The following SPOCK3 variants were observed in gnomAD, a reference collection of about 807,000 sequenced individuals.
The protein encoded by SPOCK3 is SPARC (osteonectin), cwcv and kazal like domains proteoglycan 3.
A neutral mutation model predicts 56.6 loss-of-function variants in SPOCK3; 30 were observed. The observed-to-expected ratio is 0.53, with a 90% CI of 0.40 to 0.72. SPOCK3 has a LOEUF of 0.72. Among genes scored for constraint, SPOCK3 ranks in the 30% least tolerant of loss-of-function variants. SPOCK3 has a pLI of 0.00. For missense variants in SPOCK3, 527 were observed against 530.0 expected (o/e 0.99, Z 0.06); for synonymous variants, 196 against 183.3 (o/e 1.07, Z -0.56).
intron 9 of SPOCK3, among the ~76,000 whole-genome samples, chr4:166,738,644 A>G (rs1734498907): frequency 1.0e-5 from 1 of 100,286 alleles, no homozygotes; most frequent in Non-Finnish European, 1.8e-5. Context: ...AACAGTCCCC[A>G]GAGTGTGATG....
intron 5 of SPOCK3, among the ~76,000 whole-genome samples, chr4:166,897,954 C>T (rs1279451271): frequency 6.6e-6 from 1 of 151,970 alleles, no homozygotes; most frequent in Non-Finnish European, 1.5e-5. Flanking sequence ...TTTTGGGAAC[C>T]CAAGGCAGGA....
At position 167,191,174 on chromosome 4, in the gene SPOCK3, A is replaced by G. The variant is rs1385265023; in HGVS notation, c.189+42811T>C. Among the ~76,000 whole-genome samples, 2 of 145,820 alleles carry G rather than the reference A, an allele frequency of 1.4e-5. 1 individual carries two copies. Among genetic ancestry groups the G allele is most frequent in the East Asian group, 4.1e-4 (2 of 4,902 alleles). On this transcript the variant is annotated intron_variant, in intron 2 of 10. Coordinates refer to ENST00000357545, the MANE Select transcript of SPOCK3 (RefSeq NM_001040159.2). ...ATTTTCTATTTCTGTGAAAAATGTC[A>G]TTGGAAATTTTACAAGGATTGCATT...
At chr4:166,908,549 C>G (rs950524281) in intron 5 of SPOCK3, among the ~76,000 whole-genome samples, 1 of 151,678 alleles carries the variant, frequency 6.6e-6, no homozygotes, top group African/African-American at 2.4e-5. Context: ...CACACACACA[C>G]ACACACACAC....
At chr4:166,953,612 G>A (rs1454303260) in intron 4 of SPOCK3, among the ~76,000 whole-genome samples, 1 of 152,088 alleles carries the variant, frequency 6.6e-6, no homozygotes, top group Non-Finnish European at 1.5e-5. Flanking sequence ...TATAAATCAT[G>A]CTGCTATGAA....
intron 2 of SPOCK3, among the ~76,000 whole-genome samples, chr4:167,117,735 A>G (rs1397703743): frequency 2.0e-5 from 3 of 152,148 alleles, no homozygotes; most frequent in Admixed American, 6.6e-5. Context: ...AGTTATCCTG[A>G]GAACTGATGG....
chr4:166,821,546 T>C (rs1212127747), intron 6 of SPOCK3, among the ~76,000 whole-genome samples: 2 of 152,104 alleles, frequency 1.3e-5, no homozygotes, highest in African/African-American at 4.8e-5. Flanking sequence ...TTTCATTTCC[T>C]GGTAAATGGA....
At chr4:166,821,029 GAGA>G (rs1022730567) in intron 6 of SPOCK3, among the ~76,000 whole-genome samples, 44 of 151,882 alleles carry the variant, frequency 2.9e-4, no homozygotes, top group African/African-American at 9.7e-4. Flanking sequence ...TTGAGAGAAA[GAGA>G]AGATGTTTTC....
chr4:166,999,268 C>T (rs1393561353), intron 4 of SPOCK3, among the ~76,000 whole-genome samples: 1 of 152,116 alleles, frequency 6.6e-6, no homozygotes, highest in Non-Finnish European at 1.5e-5. Flanking sequence ...TCCCTTGGTT[C>T]TAGAAATCTG....
At chr4:167,145,680 C>T (rs955851067) in intron 2 of SPOCK3, among the ~76,000 whole-genome samples, 10 of 152,154 alleles carry the variant, frequency 6.6e-5, no homozygotes, top group African/African-American at 2.4e-4. Flanking sequence ...AAAGAATTTT[C>T]AATCCAGAAT....
chr4:167,182,557 T>TC (rs995279402), intron 2 of SPOCK3, among the ~76,000 whole-genome samples: 5 of 151,974 alleles, frequency 3.3e-5, no homozygotes, highest in African/African-American at 7.3e-5. Flanking sequence ...TTTTTTTTTT[T>TC]CAAGACAAGT....
chr4:166,803,133 A>G (rs1742796616), intron 6 of SPOCK3, among the ~76,000 whole-genome samples: 1 of 152,300 alleles, frequency 6.6e-6, no homozygotes, highest in South Asian at 2.1e-4. Flanking sequence ...TGTGCTCTAT[A>G]TTAAAGCCAC....
At chr4:166,984,854 C>T (rs1746969114) in intron 4 of SPOCK3, among the ~76,000 whole-genome samples, 1 of 151,958 alleles carries the variant, frequency 6.6e-6, no homozygotes, top group Admixed American at 6.6e-5. Context: ...ATTAATTTGT[C>T]CTCTGTAATC....
intron 2 of SPOCK3, among the ~76,000 whole-genome samples, chr4:167,148,657 A>C (rs928163742): frequency 1.3e-5 from 2 of 152,142 alleles, no homozygotes; most frequent in South Asian, 4.1e-4. Flanking sequence ...TCACATATAT[A>C]CCTTCATGTG....
chr4:166,938,451 T>C (rs1327855408), intron 4 of SPOCK3, among the ~76,000 whole-genome samples: 2 of 152,180 alleles, frequency 1.3e-5, no homozygotes, highest in African/African-American at 4.8e-5. Flanking sequence ...GAATTTCAGA[T>C]GCTGGTGATC....
In SPOCK3 at chr4:166,954,703, C is replaced by T. The variant is rs570939627; in HGVS notation, c.351-41960G>A. ...TAATATACCCACCTTAAAAGGTATC[C>T]ATTTTTAACTCTACAAGTCAATGGT... On this transcript the variant is annotated intron_variant, in intron 4 of 10. Transcript: ENST00000357545. 3.9e-5 allele frequency among the ~76,000 whole-genome samples: 6 copies of T among 152,264 alleles called. No individual in the cohort carries two copies. The East Asian group carries it at 1.2e-3, about 29-fold the overall frequency.
chr4:166,744,885 C>T (rs6837703), intron 8 of SPOCK3, among the ~76,000 whole-genome samples: 36,574 of 151,690 alleles, frequency 0.24, 5,328 homozygotes, highest in African/African-American at 0.4. Context: ...GAAAGGGTAT[C>T]AGTGATTGAA....
At chr4:166,990,916 T>A (rs1747714972) in intron 4 of SPOCK3, among the ~76,000 whole-genome samples, 1 of 152,074 alleles carries the variant, frequency 6.6e-6, no homozygotes, top group African/African-American at 2.4e-5. Context: ...ATGAAGAGAT[T>A]ATTAAAAACA....
chr4:167,153,229 G>A, intron 2 of SPOCK3, among the ~76,000 whole-genome samples: 1 of 152,094 alleles, frequency 6.6e-6, no homozygotes, highest in East Asian at 1.9e-4. Context: ...AATGCTCTTT[G>A]CCCTCCATGA....
At chr4:166,850,474 C>T (rs984370151) in intron 6 of SPOCK3, among the ~76,000 whole-genome samples, 9 of 152,254 alleles carry the variant, frequency 5.9e-5, no homozygotes, top group African/African-American at 9.6e-5. Context: ...CCAAGGTGGC[C>T]GAATAGGAAC....
Sources: gnomAD v4.1 joint callset for allele counts (sites outside exome capture counted in the v4.1 genomes callset) on GRCh38, gnomAD v4.1.1 for gene constraint, MANE v1.5 for transcripts, NCBI Gene and HGNC (gene_info 2026-07-23, HGNC 2026-07-21) for gene names.